ZNF717: variants seen among roughly 807,000 people sequenced by gnomAD.
ZNF717 encodes the protein krueppel-like factor X17.
In ZNF717, 9 loss-of-function variants were observed where a neutral mutation model predicts 13.8. The observed-to-expected ratio is 0.65, with a 90% confidence interval of 0.39 to 1.14. The LOEUF (loss-of-function observed/expected upper bound fraction) is 1.14, where lower values mean the gene tolerates loss of function less well. ZNF717 is among the 50% of genes most tolerant of loss of function. The pLI is 0.01. For missense variants in ZNF717, 1,040 were observed against 1,080.7 expected (o/e 0.96, Z 0.53); for synonymous variants, 327 against 364.1 (o/e 0.90, Z 1.16).
At chr3:75,742,339 A>AAAAAAAAAAG (rs751643617) in intron 2 of ZNF717, among the ~76,000 whole-genome samples, 4 of 137,364 alleles carry the variant, frequency 2.9e-5, no homozygotes, top group Admixed American at 7.4e-5. Flanking sequence ...AAAAAAAAAA[A>AAAAAAAAAAG]GAATAAAATT....
At chr3:75,730,224 T>C (rs1196386621) in exon 6 of ZNF717, 1 of 164,406 alleles carries the variant, frequency 6.1e-6, no homozygotes, top group African/African-American at 2.4e-5. Flanking sequence ...ATATTGGCAT[T>C]TTAACAGCCA....
chr3:75,783,215 C>T (rs1339008452), intron 2 of ZNF717, 91 bp downstream of exon 2: 10 of 1,000,840 alleles, frequency 1.0e-5, no homozygotes, highest in Middle Eastern at 2.1e-4. Context: ...CTGAGTTTTA[C>T]TTATTTCCAC....
rs777069842 is a variant in ZNF717 at position 75,745,417 on chromosome 3, G to A, written c.58-3681C>T. 2.4e-3 allele frequency among the ~76,000 whole-genome samples: 363 copies of A among 152,004 alleles called. 4 individuals carry two copies. The Middle Eastern group carries it at 0.027, about 11-fold the overall frequency. The stretch of plus-strand genomic sequence containing the variant: ...GTGAGGGAAAAAGTACGCATACATT[G>A]TGAAAAGGTCAAATCTAGCTAATTA... On this transcript the variant is annotated intron_variant, in intron 2 of 4. Coordinates refer to ENST00000652011, the MANE Select transcript of ZNF717 (RefSeq NM_001290208.3).
chr3:75,733,201 C>T (rs1269494804), downstream of ZNF717, among the ~76,000 whole-genome samples: 42 of 152,248 alleles, frequency 2.8e-4, no homozygotes, highest in African/African-American at 1.0e-3. Context: ...ATGTAATATC[C>T]AAGAACTGTG....
At chr3:75,723,331 C>T (rs1938206145) in intron 4 of ZNF717, among the ~76,000 whole-genome samples, 4 of 132,216 alleles carry the variant, frequency 3.0e-5, no homozygotes, top group African/African-American at 1.1e-4. Flanking sequence ...CTCACTGCAA[C>T]CTCTGCCTTC....
intron 2 of ZNF717, among the ~76,000 whole-genome samples, chr3:75,742,096 T>C (rs1940538333): frequency 6.6e-6 from 1 of 152,222 alleles, no homozygotes; most frequent in Non-Finnish European, 1.5e-5. Context: ...GTTCACCTTA[T>C]AGATCTAGAA....
At chr3:75,771,096 T>TA (rs1318538623) in intron 2 of ZNF717, among the ~76,000 whole-genome samples, 1 of 152,138 alleles carries the variant, frequency 6.6e-6, no homozygotes, top group Non-Finnish European at 1.5e-5. Context: ...AAACCTAACT[T>TA]AAGAGTATGT....
At chr3:75,759,862 C>T (rs557038928) in intron 2 of ZNF717, among the ~76,000 whole-genome samples, 1 of 152,198 alleles carries the variant, frequency 6.6e-6, no homozygotes, top group Admixed American at 6.5e-5. Flanking sequence ...AGCCACTGTA[C>T]CCGGCAATTT....
chr3:75,779,756 C>T (rs1294106047), intron 2 of ZNF717, among the ~76,000 whole-genome samples: 2 of 134,790 alleles, frequency 1.5e-5, no homozygotes, highest in Admixed American at 7.8e-5. Flanking sequence ...TCGTGCTAAA[C>T]CAGAAACCCA....
chr3:75,710,380 T>C (rs1372715370), exon 6 of ZNF717: 2 of 152,242 alleles, frequency 1.3e-5, no homozygotes, highest in African/African-American at 2.4e-5. Flanking sequence ...GCATATAGTA[T>C]TGACAATAAC....
chr3:75,754,751 G>A (rs1278908072), intron 2 of ZNF717, among the ~76,000 whole-genome samples: 3 of 152,134 alleles, frequency 2.0e-5, no homozygotes, highest in Non-Finnish European at 4.4e-5. Flanking sequence ...AGAATACCAG[G>A]AGGAGAAGAA....
chr3:75,778,837 G>A (rs181223878), intron 2 of ZNF717, among the ~76,000 whole-genome samples: 1 of 118,640 alleles, frequency 8.4e-6, no homozygotes, highest in South Asian at 2.7e-4. Flanking sequence ...ATGGGAGTGA[G>A]GTGCTAAAAC....
At chr3:75,726,603 C>T (rs1938285030), downstream of ZNF717, among the ~76,000 whole-genome samples, 1 of 152,250 alleles carries the variant, frequency 6.6e-6, no homozygotes, top group Non-Finnish European at 1.5e-5. Context: ...GTCCCAAGGA[C>T]ACAAAGAAGA....
At chr3:75,753,912 C>A (rs796265803) in intron 2 of ZNF717, among the ~76,000 whole-genome samples, 1 of 151,710 alleles carries the variant, frequency 6.6e-6, no homozygotes, top group Admixed American at 6.6e-5. Context: ...CACAACACAA[C>A]TGCTGGGATC....
chr3:75,763,366 G>T (rs537991298), intron 2 of ZNF717, among the ~76,000 whole-genome samples: 1 of 152,204 alleles, frequency 6.6e-6, no homozygotes, highest in East Asian at 1.9e-4. Context: ...ACCTGAGTCT[G>T]AGATGCTCCA....
At chr3:75,754,370 A>G (rs750524034) in intron 2 of ZNF717, among the ~76,000 whole-genome samples, 12 of 151,960 alleles carry the variant, frequency 7.9e-5, no homozygotes, top group Non-Finnish European at 1.6e-4. Context: ...AAAAAAAAAT[A>G]CAATTTGTAG....
At chr3:75,731,129 C>A (rs1178152758), downstream of ZNF717, among the ~76,000 whole-genome samples, 2 of 151,346 alleles carry the variant, frequency 1.3e-5, no homozygotes, top group Non-Finnish European at 2.9e-5. Flanking sequence ...GTAACCCCAG[C>A]ACTTCGGGAG....
At chr3:75,739,818 T>A (rs1171404982) in intron 4 of ZNF717, among the ~76,000 whole-genome samples, 1 of 152,242 alleles carries the variant, frequency 6.6e-6, no homozygotes, top group African/African-American at 2.4e-5. Flanking sequence ...CTCCTAAGCA[T>A]GGAAGCAGCT....
rs867517800 is a variant in ZNF717 at position 75,753,447 on chromosome 3, A to G, written c.58-11711T>C. 3.4e-4 allele frequency among the ~76,000 whole-genome samples: 50 copies of G among 148,990 alleles called. No homozygotes were observed. The Middle Eastern group carries it at 0.011, about 33-fold the overall frequency. ...CCTGAACACTGCTACGAGGGTCTGA[A>G]TGTTTGTCCCTCACATAGGATTCCA... On this transcript the variant is annotated intron_variant, in intron 2 of 4. Transcript: ENST00000652011.
Sources: allele counts gnomAD v4.1 joint callset (sites outside exome capture counted in the v4.1 genomes callset), GRCh38; gene constraint gnomAD v4.1.1; transcripts MANE v1.5; gene names NCBI Gene and HGNC (gene_info 2026-07-23, HGNC 2026-07-21).